SLC4A1AP: variants seen among roughly 807,000 people sequenced by gnomAD.
SLC4A1AP encodes kanadaptin.
Under a neutral mutation model 89.7 loss-of-function variants are expected in SLC4A1AP, and 64 were observed. The ratio of observed to expected loss-of-function variants is 0.71; its 90% confidence interval spans 0.58 to 0.88. The LOEUF (loss-of-function observed/expected upper bound fraction) is 0.88, where lower values mean the gene tolerates loss of function less well. Among genes scored for constraint, SLC4A1AP ranks in the 40% least tolerant of loss-of-function variants. The pLI is 0.00. For synonymous variants in SLC4A1AP, 366 were observed against 353.3 expected (o/e 1.04, Z -0.40); for missense variants, 931 against 965.0 (o/e 0.96, Z 0.47).
rs150338876 is a variant in SLC4A1AP, at chr2:27,675,794, G to T, written c.1506+102G>T. On this transcript the variant is annotated intron_variant, in intron 6 of 13. Coordinates refer to ENST00000613058, the Ensembl canonical transcript of SLC4A1AP. The stretch of plus-strand genomic sequence containing the variant: ...TTTTATGATAATTTTTAAAGTAGTA[G>T]CATTGAAATCTGATACTGAAGTATA... 1.1e-4 allele frequency: 84 copies of T among 775,970 alleles called. No individual in the cohort carries two copies. The African/African-American group carries it at 1.2e-3, about 11-fold the overall frequency. 48.1% of individuals were successfully genotyped at this position (775,970 alleles called of 1,614,324 possible).
At chr2:27,666,314 T>G (rs1259755478) in intron 2 of SLC4A1AP, among the ~76,000 whole-genome samples, 1 of 131,454 alleles carries the variant, frequency 7.6e-6, no homozygotes, top group Non-Finnish European at 1.6e-5. Context: ...TTTCACCATA[T>G]TGGCCAGGCT....
At chr2:27,675,645 A>G in exon 6 of SLC4A1AP, 1 of 1,604,684 alleles carries the variant, frequency 6.2e-7, no homozygotes, top group Non-Finnish European at 8.5e-7. Context: ...GAACAGAATG[A>G]AGAAGGCTGG....
chr2:27,675,520 A>C lies in SLC4A1AP; in HGVS notation c.1346-12A>C. On this transcript the variant is annotated splice_polypyrimidine_tract_variant and intron_variant, in intron 5 of 13. Coordinates refer to ENST00000613058, the Ensembl canonical transcript of SLC4A1AP. Reference sequence around the variant, plus strand: ...TAAAAACTTATTTATTCATCATTTTATCTACCTCTAGTATCTCGGAAAAGG... The same window carrying C: ...TAAAAACTTATTTATTCATCATTTTCTCTACCTCTAGTATCTCGGAAAAGG... The C allele has an allele frequency of 1.3e-6, 2 of 1,529,468 alleles. No individual in the cohort carries two copies. Among genetic ancestry groups the C allele is most frequent in the East Asian group, 4.6e-5 (2 of 43,626 alleles). 94.7% of individuals were successfully genotyped at this position (1,529,468 alleles called of 1,614,324 possible). A position where few individuals can be genotyped will look rare whatever the true frequency, so the allele number is the denominator to read the frequency against.
intron 10 of SLC4A1AP, among the ~76,000 whole-genome samples, chr2:27,686,132 T>C (rs1197460144): frequency 6.6e-6 from 1 of 152,202 alleles, no homozygotes; most frequent in Non-Finnish European, 1.5e-5. Flanking sequence ...TGTATGGGAA[T>C]GCATGCATGT....
chr2:27,664,338 G>A, exon 1 of SLC4A1AP: 1 of 1,614,200 alleles, frequency 6.2e-7, no homozygotes, highest in East Asian at 2.2e-5. Context: ...GAGGCTGTCT[G>A]GCTGCGACGT....
chr2:27,664,437 C>T, exon 1 of SLC4A1AP: 1 of 1,614,232 alleles, frequency 6.2e-7, no homozygotes, highest in Non-Finnish European at 8.5e-7. Context: ...CAGCAACGGG[C>T]CGGGCTTCTA....
At chr2:27,668,153 CTTT>C (rs397957441) in intron 3 of SLC4A1AP, among the ~76,000 whole-genome samples, 1 of 144,632 alleles carries the variant, frequency 6.9e-6, no homozygotes. Flanking sequence ...GGAACTTGTT[CTTT>C]TTTTTTTTTT....
rs1300221059 is a variant in SLC4A1AP, at chr2:27,677,853, G to A, written c.1692G>A (p.Leu564=). 3 of 1,613,540 alleles carry A rather than the reference G, an allele frequency of 1.9e-6. No homozygotes were observed. In the African/African-American group the frequency reaches 4.0e-5, roughly 22 times the overall value. Reference sequence around the variant, plus strand: ...AACTTCACCTGAGAACTTTTGAACTGAGGAAAGAACAACAGAGACTTAAAG... The same window carrying A: ...AACTTCACCTGAGAACTTTTGAACTAAGGAAAGAACAACAGAGACTTAAAG... The change falls in exon 8 of 14, where the codon CTG becomes CTA. Residue 564 remains leucine, a synonymous_variant. Transcript: ENST00000613058.
Position 27,668,905 on chromosome 2 carries a change from T to G in SLC4A1AP, c.1205+2T>G, listed in dbSNP as rs761635992. ...TAGCACTTGGCTCTGCAGGGTGAGG[T>G]ATGCTCTTTTCTTATTAATGTTCTT... On this transcript the variant is annotated splice_donor_variant, in intron 4 of 13. Coordinates refer to ENST00000613058, the Ensembl canonical transcript of SLC4A1AP. LOFTEE classifies it high-confidence loss of function. The G allele has an allele frequency of 3.7e-6, 6 of 1,613,606 alleles. No homozygotes were observed. In the Admixed American group the frequency reaches 1.0e-4, roughly 27 times the overall value.
intron 12 of SLC4A1AP, chr2:27,692,147 A>G (rs755048008): frequency 1.3e-5 from 2 of 151,936 alleles, no homozygotes; most frequent in Non-Finnish European, 2.9e-5. Context: ...AACACTATAA[A>G]TTTTTCCTCT....
At chr2:27,682,547 A>T (rs1675637351) in intron 9 of SLC4A1AP, among the ~76,000 whole-genome samples, 188 bp downstream of exon 9, 3 of 139,498 alleles carry the variant, frequency 2.2e-5, no homozygotes, top group Admixed American at 7.5e-5. Flanking sequence ...TTTTTTGGAG[A>T]CAGAGTCTCA....
chr2:27,682,964 C>T (rs1284820124), intron 9 of SLC4A1AP, among the ~76,000 whole-genome samples: 1 of 152,212 alleles, frequency 6.6e-6, no homozygotes, highest in African/African-American at 2.4e-5. Flanking sequence ...GAATGGGTCT[C>T]CTGCATTAAA....
At chr2:27,665,376 A>G (rs1675298346) in intron 2 of SLC4A1AP, 81 bp downstream of exon 2, 2 of 1,247,812 alleles carry the variant, frequency 1.6e-6, no homozygotes, top group Non-Finnish European at 2.2e-6. Flanking sequence ...TTTAAATCAT[A>G]CAGCTTTTCA....
chr2:27,684,387 C>T (rs1379449512), intron 9 of SLC4A1AP, among the ~76,000 whole-genome samples: 3 of 149,626 alleles, frequency 2.0e-5, no homozygotes, highest in African/African-American at 7.4e-5. Context: ...GAGATCGCAC[C>T]ACTGCACTCC....
rs900147545 is a variant in SLC4A1AP at position 27,669,516 on chromosome 2, T to G, written c.1345+129T>G. ...TTTTTTGAAGTGAAAAGAGAAAAAT[T>G]CTCAATACCCTAAGGTAGCCACTGT... On this transcript the variant is annotated intron_variant, in intron 5 of 13. Coordinates refer to ENST00000613058, the Ensembl canonical transcript of SLC4A1AP. The G allele has an allele frequency of 9.9e-6, 8 of 805,818 alleles. No homozygotes were observed. In the Middle Eastern group the frequency reaches 9.4e-4, roughly 95 times the overall value. The allele number at this position is 805,818 out of a possible 1,614,324, so 49.9% of individuals were successfully genotyped here. A position where few individuals can be genotyped will look rare whatever the true frequency, so the allele number is the denominator to read the frequency against.
exon 1 of SLC4A1AP, chr2:27,664,029 A>G (rs375433057): frequency 6.2e-7 from 1 of 1,614,092 alleles, no homozygotes; most frequent in African/African-American, 1.3e-5. Context: ...CCCGGCCAGC[A>G]GTTCTTCAAA....
At chr2:27,673,746 G>A (rs1439180545) in intron 5 of SLC4A1AP, among the ~76,000 whole-genome samples, 1 of 152,010 alleles carries the variant, frequency 6.6e-6, no homozygotes, top group Non-Finnish European at 1.5e-5. Flanking sequence ...AGATATGTGT[G>A]TTTAATGTAC....
intron 8 of SLC4A1AP, among the ~76,000 whole-genome samples, chr2:27,681,101 C>G (rs778750498): frequency 6.6e-6 from 1 of 152,216 alleles, no homozygotes; most frequent in Non-Finnish European, 1.5e-5. Context: ...AGCTTATCCT[C>G]TAGGCCAGCC....
chr2:27,678,052 C>A, intron 8 of SLC4A1AP, 128 bp downstream of exon 8: 1 of 601,940 alleles, frequency 1.7e-6, no homozygotes, highest in Non-Finnish European at 2.7e-6. Context: ...CTTTAAAGCA[C>A]AGAAAGCAGT....
Sources: gnomAD v4.1 joint callset for allele counts (sites outside exome capture counted in the v4.1 genomes callset) on GRCh38, gnomAD v4.1.1 for gene constraint, MANE v1.5 for transcripts, NCBI Gene and HGNC (gene_info 2026-07-23, HGNC 2026-07-21) for gene names.